The following PHF8 variants were observed in gnomAD, a reference collection of about 807,000 sequenced individuals.
PHF8 encodes PHD finger protein 8, also known as histone lysine demethylase PHF8.
PHF8 carries 9 observed loss-of-function variants against 74.4 expected under a neutral mutation model. The ratio of observed to expected loss-of-function variants is 0.12; its 90% CI spans 0.07 to 0.21. The LOEUF is 0.21. Ranked by LOEUF, PHF8 falls within the 10% of genes least tolerant of loss-of-function variation. PHF8 has a pLI of 1.00. For missense variants in PHF8, 478 were observed against 816.6 expected (o/e 0.59, Z 5.05); for synonymous variants, 311 against 316.6 (o/e 0.98, Z 0.19).
intron 5 of PHF8, 123 bp from the exon 6 acceptor site, chrX:54,016,859 A>C (rs1043200383): frequency 1.3e-5 from 7 of 544,764 alleles, no homozygotes; most frequent in African/African-American, 1.1e-4. Flanking sequence ...CACTGTACAT[A>C]TATGTGTGTG....
intron 2 of PHF8, among the ~76,000 whole-genome samples, chrX:54,026,758 A>G (rs1421807388): frequency 9.1e-6 from 1 of 109,863 alleles, no homozygotes; most frequent in East Asian, 2.9e-4. Flanking sequence ...CACCACGCCC[A>G]CCTAATTTGT....
intron 19 of PHF8, among the ~76,000 whole-genome samples, chrX:53,952,505 A>T (rs782184611): frequency 5.4e-5 from 6 of 110,870 alleles, no homozygotes; most frequent in African/African-American, 1.7e-4. Flanking sequence ...CACAATGTAT[A>T]AAGATGTAAT....
chrX:54,031,930 C>T (rs916228139), intron 2 of PHF8, among the ~76,000 whole-genome samples: 3 of 111,525 alleles, frequency 2.7e-5, no homozygotes, highest in Non-Finnish European at 3.8e-5. Flanking sequence ...GGCCTATAAA[C>T]GTGCATTTCT....
At chrX:54,026,777 G>A (rs782315739) in intron 2 of PHF8, among the ~76,000 whole-genome samples, 18 of 110,039 alleles carry the variant, frequency 1.6e-4, no homozygotes, top group Non-Finnish European at 2.7e-4. Flanking sequence ...GTGTCTGTAC[G>A]TGTGTTTTAT....
chrX:54,022,466 A>ACC (rs1303750335), intron 3 of PHF8, 99 bp from the exon 4 acceptor site: 3 of 599,805 alleles, frequency 5.0e-6, no homozygotes, highest in Non-Finnish European at 8.7e-6. Flanking sequence ...CAATCTAACC[A>ACC]CCCCTTGGAG....
At chrX:53,983,512 G>C (rs1225339873) in intron 18 of PHF8, among the ~76,000 whole-genome samples, 1 of 111,769 alleles carries the variant, frequency 8.9e-6, no homozygotes, top group African/African-American at 3.3e-5. Context: ...ATCCATTGCT[G>C]GTAAGACTAT....
At chrX:54,039,097 GC>G (rs1272309754) in intron 2 of PHF8, among the ~76,000 whole-genome samples, 2 of 100,933 alleles carry the variant, frequency 2.0e-5, no homozygotes, top group Non-Finnish European at 3.9e-5. Flanking sequence ...TCGTGCCACT[GC>G]ACTGCAGCTT....
At chrX:54,003,606 G>A (rs1299288649) in intron 8 of PHF8, among the ~76,000 whole-genome samples, 5 of 111,827 alleles carry the variant, frequency 4.5e-5, no homozygotes, top group East Asian at 2.8e-4. Context: ...GCAGTGAGCC[G>A]AGATCGCACC....
At chrX:54,022,567 G>A (rs2066197243) in intron 3 of PHF8, among the ~76,000 whole-genome samples, 191 bp downstream of exon 3, 2 of 111,687 alleles carry the variant, frequency 1.8e-5, no homozygotes, top group African/African-American at 6.5e-5. Flanking sequence ...AGGAAGGGAG[G>A]GAGGTGAAGT....
chrX:53,960,376 A>C (rs1263351914), intron 19 of PHF8, among the ~76,000 whole-genome samples: 2 of 108,716 alleles, frequency 1.8e-5, no homozygotes, highest in Non-Finnish European at 3.8e-5. Flanking sequence ...CACCTGGCCT[A>C]ATTTCTCTAT....
At position 53,962,996 on chromosome X, in the gene PHF8, G is replaced by C. The variant is rs182736719; in HGVS notation, c.2444-57C>G. Reference sequence around the variant, plus strand: ...AGATTTCATCCAAAGGGTGAAGATAGAATGACACCTACTCCAGCTCCTGCC... The same window carrying C: ...AGATTTCATCCAAAGGGTGAAGATACAATGACACCTACTCCAGCTCCTGCC... On this transcript the variant is annotated intron_variant, in intron 18 of 21. Coordinates refer to ENST00000338154, the MANE Select transcript of PHF8 (RefSeq NM_015107.3). 678 of 703,374 alleles carry C rather than the reference G, an allele frequency of 9.6e-4. 2 individuals carry two copies. In the African/African-American group the frequency reaches 0.013, roughly 14 times the overall value. 58.0% of individuals were successfully genotyped at this position (703,374 alleles called of 1,213,427 possible).
At chrX:54,023,175 C>G (rs1232453893) in intron 2 of PHF8, among the ~76,000 whole-genome samples, 1 of 110,862 alleles carries the variant, frequency 9.0e-6, no homozygotes, top group Admixed American at 9.6e-5. Flanking sequence ...CGAGGTTTCA[C>G]CACATTGGCC....
chrX:54,041,917 A>G (rs1483622323), intron 2 of PHF8, among the ~76,000 whole-genome samples: 1 of 112,525 alleles, frequency 8.9e-6, no homozygotes, highest in South Asian at 3.6e-4. Context: ...CAAAGCCACA[A>G]CTTAAATCCC....
At chrX:53,965,938 T>C (rs782315904) in intron 18 of PHF8, among the ~76,000 whole-genome samples, 2 of 109,156 alleles carry the variant, frequency 1.8e-5, no homozygotes, top group East Asian at 5.7e-4. Flanking sequence ...ACAAAAACTG[T>C]CCCTAAGGAA....
chrX:54,040,491 ACT>A (rs1346941108), intron 2 of PHF8, among the ~76,000 whole-genome samples: 2 of 112,232 alleles, frequency 1.8e-5, no homozygotes, highest in Non-Finnish European at 3.8e-5. Flanking sequence ...TTAAATAATT[ACT>A]TTTTAATAAA....
intron 8 of PHF8, among the ~76,000 whole-genome samples, chrX:54,004,324 G>C (rs1315945330): frequency 9.3e-6 from 1 of 107,095 alleles, no homozygotes; most frequent in African/African-American, 3.3e-5. Context: ...GGGGGTGGGA[G>C]TTGGGTGGGA....
At chrX:53,997,296 T>C (rs373710682) in intron 11 of PHF8, among the ~76,000 whole-genome samples, 5 of 112,358 alleles carry the variant, frequency 4.5e-5, no homozygotes, top group East Asian at 2.8e-4. Context: ...TACATTTTTA[T>C]GTAGATCTCA....
rs1237166436 is a variant in PHF8 at position 54,016,795 on chromosome X, T to A, written c.455-59A>T. On this transcript the variant is annotated intron_variant, in intron 5 of 21. Coordinates refer to ENST00000338154, the MANE Select transcript of PHF8 (RefSeq NM_015107.3). ...TCTCAGGGACTGTGGAAGACTCTCT[T>A]GTCCCCTCATCAGTCCCTAGAATGG... is the stretch of plus-strand genomic sequence containing the variant. 4 of 952,020 alleles carry A rather than the reference T, an allele frequency of 4.2e-6. No individual in the cohort carries two copies. The East Asian group carries it at 1.2e-4, about 29-fold the overall frequency. 78.5% of individuals were successfully genotyped at this position (952,020 alleles called of 1,213,427 possible).
At chrX:53,975,295 C>T (rs1557095704) in intron 18 of PHF8, among the ~76,000 whole-genome samples, 1 of 111,849 alleles carries the variant, frequency 8.9e-6, no homozygotes, top group African/African-American at 3.2e-5. Flanking sequence ...GTACAACTAT[C>T]ATAGAAAACA....
Sources: allele counts gnomAD v4.1 joint callset (sites outside exome capture counted in the v4.1 genomes callset), GRCh38; gene constraint gnomAD v4.1.1; transcripts MANE v1.5; gene names NCBI Gene and HGNC (gene_info 2026-07-23, HGNC 2026-07-21).